Variants in MGLL observed in about 807,000 individuals in gnomAD.
MGLL encodes the protein monoglyceride lipase.
Under a neutral mutation model 29.1 loss-of-function variants are expected in MGLL, and 7 were observed. That is an observed-to-expected ratio of 0.24 (90% CI 0.14 to 0.45). The LOEUF (loss-of-function observed/expected upper bound fraction) is 0.45, where lower values mean the gene tolerates loss of function less well. MGLL is among the 20% of genes least tolerant of loss of function. MGLL has a pLI of 0.99. For synonymous variants in MGLL, 148 were observed against 168.3 expected (o/e 0.88, Z 0.93); for missense variants, 356 against 413.6 (o/e 0.86, Z 1.21).
chr3:127,696,472 G>GATACGAT, intron 6 of MGLL, among the ~76,000 whole-genome samples: 1 of 128,124 alleles, frequency 7.8e-6, no homozygotes, highest in Admixed American at 9.6e-5. Flanking sequence ...GGAGTGCAGT[G>GATACGAT]ATACGATCTT....
intron 3 of MGLL, among the ~76,000 whole-genome samples, chr3:127,778,441 G>A (rs930883571): frequency 1.3e-5 from 2 of 152,224 alleles, no homozygotes; most frequent in African/African-American, 4.8e-5. Flanking sequence ...CATTGTAGAT[G>A]AGAAAATTAA....
chr3:127,795,570 A>T (rs1043999827), intron 2 of MGLL, among the ~76,000 whole-genome samples: 4 of 152,196 alleles, frequency 2.6e-5, no homozygotes, highest in Admixed American at 1.3e-4. Flanking sequence ...TTTAAAAAAA[A>T]ATATGAGGAG....
chr3:127,720,629 G>A (rs1253551110), intron 5 of MGLL, among the ~76,000 whole-genome samples: 1 of 152,214 alleles, frequency 6.6e-6, no homozygotes, highest in Non-Finnish European at 1.5e-5. Context: ...GAGGAGCGCG[G>A]CAGTGGATGC....
At chr3:127,774,598 G>C (rs1288949677) in intron 3 of MGLL, among the ~76,000 whole-genome samples, 1 of 152,212 alleles carries the variant, frequency 6.6e-6, no homozygotes, top group Non-Finnish European at 1.5e-5. Context: ...ACTTTCAATA[G>C]CTGCAAAGTC....
At chr3:127,815,407 G>A (rs1470999884) in intron 2 of MGLL, among the ~76,000 whole-genome samples, 1 of 152,214 alleles carries the variant, frequency 6.6e-6, no homozygotes, top group Non-Finnish European at 1.5e-5. Context: ...ACACCTGGGA[G>A]TCACCCTCCT....
chr3:127,780,591 T>C (rs1445452299), intron 3 of MGLL, among the ~76,000 whole-genome samples: 1 of 152,240 alleles, frequency 6.6e-6, no homozygotes, highest in African/African-American at 2.4e-5. Flanking sequence ...CTGTCAGTTA[T>C]GAGGACGCTT....
intron 3 of MGLL, among the ~76,000 whole-genome samples, chr3:127,757,841 T>C (rs1160166665): frequency 1.3e-5 from 2 of 152,150 alleles, no homozygotes; most frequent in African/African-American, 4.8e-5. Flanking sequence ...TGTAAACAGA[T>C]TGCTGATACA....
intron 2 of MGLL, among the ~76,000 whole-genome samples, chr3:127,800,859 C>T (rs2077465938): frequency 6.6e-6 from 1 of 152,222 alleles, no homozygotes; most frequent in African/African-American, 2.4e-5. Context: ...CAAGAAATCC[C>T]TTCAACTGCC....
At chr3:127,810,673 G>A (rs1016826126) in intron 2 of MGLL, among the ~76,000 whole-genome samples, 1 of 152,202 alleles carries the variant, frequency 6.6e-6, no homozygotes, top group African/African-American at 2.4e-5. Context: ...ACTGGAATGA[G>A]ACCTGGCATA....
At chr3:127,795,187 T>C (rs1232573606) in intron 2 of MGLL, among the ~76,000 whole-genome samples, 1 of 152,222 alleles carries the variant, frequency 6.6e-6, no homozygotes, top group Non-Finnish European at 1.5e-5. Flanking sequence ...TGGAATACTA[T>C]GCAGCCATAA....
chr3:127,731,457 C>T (rs918614241), intron 3 of MGLL, among the ~76,000 whole-genome samples: 1 of 151,896 alleles, frequency 6.6e-6, no homozygotes, highest in South Asian at 2.1e-4. Context: ...ATTTGCTGTA[C>T]TTTGATGCTT....
chr3:127,781,558 G>A (rs1474042227), intron 3 of MGLL, among the ~76,000 whole-genome samples: 2 of 152,204 alleles, frequency 1.3e-5, no homozygotes, highest in East Asian at 1.9e-4. Flanking sequence ...GAACATATCC[G>A]ACTTTGTTTT....
intron 4 of MGLL, 121 bp downstream of exon 4, chr3:127,722,309 G>C: frequency 7.2e-7 from 1 of 1,397,496 alleles, no homozygotes; most frequent in East Asian, 2.3e-5. Flanking sequence ...AGTGCACAAA[G>C]GGAGACATCA....
intron 2 of MGLL, among the ~76,000 whole-genome samples, chr3:127,804,254 C>T (rs545002949): frequency 7.2e-5 from 11 of 152,324 alleles, no homozygotes; most frequent in African/African-American, 2.4e-4. Flanking sequence ...AGGATGGGGC[C>T]GCAGAGCCAG....
chr3:127,768,121 G>T (rs1210062020), intron 3 of MGLL, among the ~76,000 whole-genome samples: 1 of 151,976 alleles, frequency 6.6e-6, no homozygotes, highest in African/African-American at 2.4e-5. Flanking sequence ...AAGAAAATTG[G>T]GATAGTCCTA....
intron 2 of MGLL, among the ~76,000 whole-genome samples, chr3:127,796,084 C>T (rs993739459): frequency 1.3e-5 from 2 of 152,118 alleles, no homozygotes; most frequent in African/African-American, 2.4e-5. Flanking sequence ...TGGAGAAAGC[C>T]CCCTCCCCGC....
chr3:127,711,401 C>T (rs1315484169), intron 5 of MGLL: 1 of 152,584 alleles, frequency 6.6e-6, no homozygotes, highest in African/African-American at 2.4e-5. Flanking sequence ...CTGATTGAGG[C>T]CCAAACCTTC....
At chr3:127,810,495 T>C (rs544202808) in intron 2 of MGLL, among the ~76,000 whole-genome samples, 2 of 152,316 alleles carry the variant, frequency 1.3e-5, no homozygotes, top group Non-Finnish European at 1.5e-5. Context: ...TGTCCCTTTC[T>C]ACCTTCAAGA....
intron 3 of MGLL, among the ~76,000 whole-genome samples, chr3:127,731,599 A>T (rs998834962): frequency 2.0e-5 from 3 of 152,072 alleles, no homozygotes; most frequent in Admixed American, 1.3e-4. Context: ...GGGCCAGGCA[A>T]CAGACAATTA....
Sources: allele counts gnomAD v4.1 joint callset (sites outside exome capture counted in the v4.1 genomes callset), GRCh38; gene constraint gnomAD v4.1.1; transcripts MANE v1.5; gene names NCBI Gene and HGNC (gene_info 2026-07-23, HGNC 2026-07-21).